Variants in SORCS2 observed in about 807,000 individuals in gnomAD.
SORCS2 encodes the protein sortilin related VPS10 domain containing receptor 2, also known as VPS10 domain-containing receptor SorCS2.
Under a neutral mutation model 141.6 loss-of-function variants are expected in SORCS2, and 100 were observed. The observed-to-expected ratio is 0.71, with a 90% confidence interval of 0.60 to 0.83. SORCS2 has a LOEUF of 0.83. Ranked by LOEUF, SORCS2 falls within the 40% of genes least tolerant of loss-of-function variation. SORCS2 has a pLI of 0.00. For missense variants in SORCS2, 1,646 were observed against 1,560.2 expected, an observed-to-expected ratio of 1.05 and a Z score of -0.93; for synonymous variants, 789 against 676.9, an observed-to-expected ratio of 1.17 and a Z score of -2.57.
Position 7,193,011 on chromosome 4 carries a change from C to T in SORCS2, c.365C>T (p.Pro122Leu), listed in dbSNP as rs1269217656. The T allele has an allele frequency of 2.7e-6, 4 of 1,480,582 alleles. No homozygotes were observed. The African/African-American group carries it at 5.9e-5, about 22-fold the overall frequency. The allele number at this position is 1,480,582 out of a possible 1,614,324, so 91.7% of individuals were successfully genotyped here. A position where few individuals can be genotyped will look rare whatever the true frequency, so the allele number is the denominator to read the frequency against. ...AGYRRWERAA[P>L]LAGVASRAQV... Reference sequence around the variant, plus strand: ...TACCGGCGCTGGGAGCGGGCGGCGCCGCTGGCCGGAGTGGCTTCGCGGGCG... The same window carrying T: ...TACCGGCGCTGGGAGCGGGCGGCGCTGCTGGCCGGAGTGGCTTCGCGGGCG... The change falls in exon 1 of 27, where the codon CCG becomes CTG. Residue 122 changes from proline (P) to leucine (L), a missense_variant. Pro to Leu is a moderately conservative substitution (Grantham distance 98, BLOSUM62 -3). Transcript: ENST00000507866. This position sits in a 1 kb window ranked among gnomAD's most constrained non-coding sequence, Gnocchi z 4.8.
chr4:7,297,680 C>T (rs1232345231), intron 1 of SORCS2, among the ~76,000 whole-genome samples: 2 of 152,252 alleles, frequency 1.3e-5, no homozygotes, highest in African/African-American at 4.8e-5. Context: ...TGGTTCCCAA[C>T]CTGAGACGAA....
chr4:7,476,298 A>G (rs1730287657), intron 2 of SORCS2, among the ~76,000 whole-genome samples: 1 of 152,192 alleles, frequency 6.6e-6, no homozygotes, highest in African/African-American at 2.4e-5. Context: ...GTTGGGGTTT[A>G]TAAGTCAGGA....
chr4:7,285,277 C>T (rs933774829), intron 1 of SORCS2, among the ~76,000 whole-genome samples: 6 of 152,198 alleles, frequency 3.9e-5, no homozygotes, highest in Non-Finnish European at 8.8e-5. Context: ...TGGTGATCCA[C>T]CCACCTCGGC....
intron 1 of SORCS2, among the ~76,000 whole-genome samples, chr4:7,308,604 A>G (rs1717986024): frequency 6.6e-6 from 1 of 152,062 alleles, no homozygotes; most frequent in Non-Finnish European, 1.5e-5. Context: ...TATTGCAGAC[A>G]TGCCAGCAAC....
intron 2 of SORCS2, among the ~76,000 whole-genome samples, chr4:7,453,157 G>C (rs1246371399): frequency 1.5e-5 from 2 of 134,654 alleles, no homozygotes; most frequent in African/African-American, 5.7e-5. Context: ...TTGGGGTCAG[G>C]TGCTGTGTTG....
Position 7,718,192 on chromosome 4 carries a change from G to C in SORCS2, c.2424+9G>C. The C allele has an allele frequency of 1.2e-6, 2 of 1,606,748 alleles. No homozygotes were observed. Among genetic ancestry groups the C allele is most frequent in the Non-Finnish European group, 1.7e-6 (2 of 1,178,542 alleles). On this transcript the variant is annotated intron_variant, in intron 18 of 26. Coordinates refer to ENST00000507866, the MANE Select transcript of SORCS2 (RefSeq NM_020777.3). Reference sequence around the variant, plus strand: ...TGGTGCGGCAGGAGCAGGTGAGTGAGCACCTCCCAGCAGGCTCCTGGGACT... The same window carrying C: ...TGGTGCGGCAGGAGCAGGTGAGTGACCACCTCCCAGCAGGCTCCTGGGACT...
At chr4:7,468,438 C>G (rs890823684) in intron 2 of SORCS2, among the ~76,000 whole-genome samples, 1 of 152,204 alleles carries the variant, frequency 6.6e-6, no homozygotes, top group Non-Finnish European at 1.5e-5. Context: ...TTGCCTGGGA[C>G]TATCTATTTG....
chr4:7,311,927 G>C (rs1487329880), intron 1 of SORCS2, among the ~76,000 whole-genome samples: 3 of 152,032 alleles, frequency 2.0e-5, no homozygotes, highest in Non-Finnish European at 1.5e-5. Flanking sequence ...CCAGGCTGGA[G>C]TGGAGTGGCA....
chr4:7,540,175 C>CCTGCCCCTCT (rs1334552933), intron 3 of SORCS2, among the ~76,000 whole-genome samples: 4 of 114,600 alleles, frequency 3.5e-5, no homozygotes, highest in African/African-American at 1.5e-4. Context: ...CCTGCCCCTC[C>CCTGCCCCTCT]CTGCCCCTCC....
At chr4:7,265,634 C>T (rs954780854) in intron 1 of SORCS2, among the ~76,000 whole-genome samples, 3 of 152,346 alleles carry the variant, frequency 2.0e-5, no homozygotes, top group South Asian at 2.1e-4. Context: ...TGTGGACACA[C>T]GGCCTCCTCC....
chr4:7,510,576 C>G, intron 2 of SORCS2, among the ~76,000 whole-genome samples: 1 of 151,888 alleles, frequency 6.6e-6, no homozygotes, highest in East Asian at 1.9e-4. Flanking sequence ...AAATGCGACC[C>G]CGGGGCCAGC....
At chr4:7,479,300 G>C (rs1436651805) in intron 2 of SORCS2, among the ~76,000 whole-genome samples, 1 of 151,228 alleles carries the variant, frequency 6.6e-6, no homozygotes, top group Non-Finnish European at 1.5e-5. Context: ...CTTTCCCTGG[G>C]CTGAGCCACA....
intron 1 of SORCS2, among the ~76,000 whole-genome samples, chr4:7,347,467 C>T (rs1291106948): frequency 1.3e-5 from 2 of 152,312 alleles, no homozygotes; most frequent in East Asian, 3.9e-4. Context: ...GTTTCAGCCT[C>T]GTGATGACCC....
chr4:7,732,168 A>C (rs922798366), intron 23 of SORCS2, among the ~76,000 whole-genome samples: 2 of 152,232 alleles, frequency 1.3e-5, no homozygotes, highest in African/African-American at 4.8e-5. Context: ...GGAGACACAC[A>C]AATGGCCAAC....
rs542779257 is a variant in SORCS2 at position 7,679,103 on chromosome 4, T to G, written c.1341+2874T>G. On this transcript the variant is annotated intron_variant, in intron 9 of 26. Coordinates refer to ENST00000507866, the MANE Select transcript of SORCS2 (RefSeq NM_020777.3). ...CGGCCAGTACTGTTGCTGTCGTGGT[T>G]GTTGTGCACCCAGCAGCACATCCAG... Among the ~76,000 whole-genome samples the G allele has an allele frequency of 4.1e-4, 61 of 148,706 alleles. 1 individual carries two copies. The East Asian group carries it at 0.011, about 28-fold the overall frequency.
chr4:7,712,649 A>G, intron 14 of SORCS2, 84 bp from the exon 15 acceptor site: 1 of 1,569,950 alleles, frequency 6.4e-7, no homozygotes, highest in Non-Finnish European at 8.7e-7. Flanking sequence ...GTAGGAACAG[A>G]GTCCAGAGGG....
intron 2 of SORCS2, among the ~76,000 whole-genome samples, chr4:7,520,434 G>A (rs1303051373): frequency 6.6e-6 from 1 of 152,194 alleles, no homozygotes. Flanking sequence ...TAAGGTGTCA[G>A]TAAAAGCTGC....
chr4:7,448,510 C>CCCTCCCTCCCTTCCTCTCTTCCTTCCTT (rs1728155922), intron 2 of SORCS2, among the ~76,000 whole-genome samples: 1 of 148,074 alleles, frequency 6.8e-6, no homozygotes, highest in African/African-American at 2.5e-5. Context: ...CTTTCCATCT[C>CCCTCCCTCCCTTCCTCTCTTCCTTCCTT]CCTCCCTCCC....
intron 1 of SORCS2, among the ~76,000 whole-genome samples, chr4:7,312,804 C>G (rs1370584451): frequency 6.6e-6 from 1 of 152,230 alleles, no homozygotes; most frequent in Non-Finnish European, 1.5e-5. Flanking sequence ...AGGTCCCCAG[C>G]CCTCTGAGCT....
Sources: allele counts gnomAD v4.1 joint callset (sites outside exome capture counted in the v4.1 genomes callset), GRCh38; gene constraint gnomAD v4.1.1; non-coding constraint Gnocchi (gnomAD v3.1); transcripts MANE v1.5; gene names NCBI Gene and HGNC (gene_info 2026-07-23, HGNC 2026-07-21).